MARCHF3: variants seen among roughly 807,000 people sequenced by gnomAD.
The protein encoded by MARCHF3 is E3 ubiquitin-protein ligase MARCHF3.
Under a neutral mutation model 24.2 loss-of-function variants are expected in MARCHF3, and 13 were observed. The observed-to-expected ratio is 0.54, with a 90% CI of 0.35 to 0.85. The LOEUF (loss-of-function observed/expected upper bound fraction) is 0.85, where lower values mean the gene tolerates loss of function less well. Ranked by LOEUF, MARCHF3 falls within the 40% of genes least tolerant of loss-of-function variation. The pLI is 0.01. For synonymous variants in MARCHF3, 144 were observed against 137.3 expected, an observed-to-expected ratio of 1.05 and a Z score of -0.34; for missense variants, 276 against 325.0, an observed-to-expected ratio of 0.85 and a Z score of 1.16.
chr5:126,908,318 G>C (rs1037576268), intron 3 of MARCHF3, among the ~76,000 whole-genome samples: 4 of 152,042 alleles, frequency 2.6e-5, no homozygotes, highest in African/African-American at 7.3e-5. Flanking sequence ...CTCTTCTCGA[G>C]GAGTATCTTT....
At chr5:127,003,130 GAA>G (rs113015192) in intron 1 of MARCHF3, among the ~76,000 whole-genome samples, 4 of 138,260 alleles carry the variant, frequency 2.9e-5, no homozygotes, top group South Asian at 4.6e-4. Flanking sequence ...AAAGAAAAAA[GAA>G]AAAAAAAAAA....
intron 1 of MARCHF3, among the ~76,000 whole-genome samples, chr5:126,920,024 A>C (rs183479252): frequency 6.6e-6 from 1 of 152,310 alleles, no homozygotes; most frequent in Admixed American, 6.5e-5. Context: ...ACTAGGTTAA[A>C]TAGGATTTTT....
intron 1 of MARCHF3, among the ~76,000 whole-genome samples, chr5:126,952,566 A>G (rs1750291823): frequency 6.6e-6 from 1 of 152,218 alleles, no homozygotes; most frequent in Admixed American, 6.5e-5. Flanking sequence ...TTTAAAATTA[A>G]TAGAAACTTA....
chr5:127,014,770 T>G (rs1752582063), intron 1 of MARCHF3, among the ~76,000 whole-genome samples: 1 of 152,020 alleles, frequency 6.6e-6, no homozygotes, highest in South Asian at 2.1e-4. Flanking sequence ...CTCACAGAAG[T>G]AAAAAGCAGA....
chr5:126,980,136 C>T (rs1372641598), intron 1 of MARCHF3, among the ~76,000 whole-genome samples: 5 of 151,996 alleles, frequency 3.3e-5, no homozygotes, highest in Admixed American at 2.6e-4. Flanking sequence ...TCCTCTTCTG[C>T]GCACCTTCTC....
intron 3 of MARCHF3, among the ~76,000 whole-genome samples, chr5:126,883,814 T>C (rs948793937): frequency 4.6e-5 from 7 of 152,194 alleles, no homozygotes; most frequent in Admixed American, 1.3e-4. Context: ...CAGGTCAGTT[T>C]GTACTAAAAC....
chr5:126,922,092 T>C (rs1390984950), intron 1 of MARCHF3, among the ~76,000 whole-genome samples: 2 of 152,218 alleles, frequency 1.3e-5, no homozygotes, highest in African/African-American at 4.8e-5. Context: ...CATGGGAACA[T>C]GGCTGGCATA....
At chr5:126,879,909 G>A (rs766689478) in intron 3 of MARCHF3, among the ~76,000 whole-genome samples, 3 of 152,074 alleles carry the variant, frequency 2.0e-5, no homozygotes, top group Non-Finnish European at 2.9e-5. Flanking sequence ...CTGCTGATGC[G>A]TGCCCAGCAG....
intron 1 of MARCHF3, among the ~76,000 whole-genome samples, chr5:126,979,293 C>G (rs1751308316): frequency 6.6e-6 from 1 of 152,190 alleles, no homozygotes; most frequent in Admixed American, 6.5e-5. Context: ...TAGCACAAAG[C>G]TTGGCAAACA....
chr5:126,909,400 C>A (rs551678904), intron 3 of MARCHF3, among the ~76,000 whole-genome samples: 1 of 152,344 alleles, frequency 6.6e-6, no homozygotes, highest in African/African-American at 2.4e-5. Flanking sequence ...TGGGCAATGG[C>A]GGGCGCCCCT....
At chr5:126,973,973 C>T (rs559584961) in intron 1 of MARCHF3, among the ~76,000 whole-genome samples, 1 of 139,942 alleles carries the variant, frequency 7.1e-6, no homozygotes, top group African/African-American at 2.7e-5. Flanking sequence ...TCTCGGCTCA[C>T]TGCAAGCTCC....
intron 1 of MARCHF3, among the ~76,000 whole-genome samples, chr5:126,990,275 T>C (rs1460348760): frequency 1.3e-5 from 2 of 151,944 alleles, no homozygotes; most frequent in African/African-American, 2.4e-5. Flanking sequence ...TTGACAAACC[T>C]GACAAAAACA....
intron 1 of MARCHF3, among the ~76,000 whole-genome samples, chr5:126,964,156 C>G (rs367778786): frequency 2.3e-4 from 35 of 152,300 alleles, no homozygotes; most frequent in African/African-American, 7.7e-4. Context: ...TTCTCTTCCC[C>G]CTCCTGGCTA....
At position 126,969,441 on chromosome 5, in the gene MARCHF3, G is replaced by A. The variant is rs540539746; in HGVS notation, c.-56-51214C>T. ...CAGCAAAATAAAATACTCCAAACAT[G>A]TTTAGGAGGAGCCCCTTACAGTCCC... On this transcript the variant is annotated intron_variant, in intron 1 of 4. Coordinates refer to ENST00000308660, the MANE Select transcript of MARCHF3 (RefSeq NM_178450.5). Among the ~76,000 whole-genome samples, 39 of 152,264 alleles carry A rather than the reference G, an allele frequency of 2.6e-4. No individual in the cohort carries two copies. In the South Asian group the frequency reaches 7.7e-3, roughly 30 times the overall value.
intron 1 of MARCHF3, among the ~76,000 whole-genome samples, chr5:126,979,231 G>A (rs57627287): frequency 0.02 from 3,102 of 152,192 alleles, 75 homozygotes; most frequent in South Asian, 0.12. Flanking sequence ...ACCAGACTGC[G>A]GCTCTTTAGG....
intron 1 of MARCHF3, among the ~76,000 whole-genome samples, chr5:126,921,524 T>A (rs140929847): frequency 3.7e-4 from 57 of 152,336 alleles, no homozygotes; most frequent in East Asian, 9.6e-4. Flanking sequence ...CAAAGCCACC[T>A]GGGAAAACAG....
At chr5:126,951,779 C>T (rs73786212) in intron 1 of MARCHF3, among the ~76,000 whole-genome samples, 7,858 of 152,278 alleles carry the variant, frequency 0.052, 375 homozygotes, top group South Asian at 0.14. Context: ...CTGTAAGGCA[C>T]TGACCTTTAA....
At chr5:126,987,235 G>T (rs1331485806) in intron 1 of MARCHF3, among the ~76,000 whole-genome samples, 1 of 152,204 alleles carries the variant, frequency 6.6e-6, no homozygotes, top group Admixed American at 6.5e-5. Flanking sequence ...AGTCAAACAA[G>T]ATGAATATGC....
intron 1 of MARCHF3, among the ~76,000 whole-genome samples, chr5:127,019,590 A>G (rs2126862716): frequency 6.6e-6 from 1 of 152,320 alleles, no homozygotes; most frequent in Non-Finnish European, 1.5e-5. Flanking sequence ...GTCTCCAAGT[A>G]ACATCTAAAC....
Sources: gnomAD v4.1 joint callset for allele counts (sites outside exome capture counted in the v4.1 genomes callset) on GRCh38, gnomAD v4.1.1 for gene constraint, MANE v1.5 for transcripts, NCBI Gene and HGNC (gene_info 2026-07-23, HGNC 2026-07-21) for gene names.